The following RUBCNL variants were observed in gnomAD, a reference collection of about 807,000 sequenced individuals.
RUBCNL encodes the protein protein associated with UVRAG as autophagy enhancer.
In RUBCNL, 62 loss-of-function variants were observed where a neutral mutation model predicts 69.5. The ratio of observed to expected loss-of-function variants is 0.89; its 90% confidence interval spans 0.73 to 1.10. The LOEUF (loss-of-function observed/expected upper bound fraction) is 1.10, where lower values mean the gene tolerates loss of function less well. Among genes scored for constraint, RUBCNL ranks in the 50% least tolerant of loss-of-function variants. RUBCNL has a pLI of 0.00. For missense variants in RUBCNL, 768 were observed against 798.1 expected, an observed-to-expected ratio of 0.96 and a Z score of 0.45; for synonymous variants, 291 against 303.6, an observed-to-expected ratio of 0.96 and a Z score of 0.43.
intron 5 of RUBCNL, 66 bp from the exon 6 acceptor site, chr13:46,363,279 C>T (rs2048674089): frequency 1.4e-6 from 1 of 710,716 alleles, no homozygotes; most frequent in Admixed American, 3.2e-5. Flanking sequence ...CAACCTGCAA[C>T]ACCCAACTAA....
At chr13:46,346,868 ATC>A (rs1211133423) in intron 12 of RUBCNL, among the ~76,000 whole-genome samples, 3 of 152,158 alleles carry the variant, frequency 2.0e-5, no homozygotes, top group Non-Finnish European at 2.9e-5. Context: ...CTACTTAAAA[ATC>A]TCTCTCTCAA....
At chr13:46,375,578 A>G (rs1388554793) in intron 2 of RUBCNL, among the ~76,000 whole-genome samples, 1 of 152,182 alleles carries the variant, frequency 6.6e-6, no homozygotes, top group African/African-American at 2.4e-5. Flanking sequence ...TGTGGCAGAT[A>G]TAACTGTTCT....
At chr13:46,352,816 T>A (rs2048399282) in intron 10 of RUBCNL, among the ~76,000 whole-genome samples, 1 of 148,816 alleles carries the variant, frequency 6.7e-6, no homozygotes, top group Non-Finnish European at 1.5e-5. Flanking sequence ...CTCAAAAAAA[T>A]AAAAATAAAA....
intron 5 of RUBCNL, 39 bp from the exon 6 acceptor site, chr13:46,363,252 G>A (rs1479475449): frequency 4.2e-6 from 5 of 1,197,574 alleles, no homozygotes; most frequent in Admixed American, 2.7e-5. Context: ...CCAATAAGAA[G>A]AAAAAGAAAA....
intron 10 of RUBCNL, chr13:46,354,651 T>C (rs2048443802): frequency 7.6e-6 from 3 of 396,224 alleles, no homozygotes; most frequent in Non-Finnish European, 1.5e-5. Context: ...CACTTTCCGA[T>C]GAAACCTCTT....
intron 10 of RUBCNL, among the ~76,000 whole-genome samples, chr13:46,352,945 T>A (rs1473859789): frequency 1.3e-5 from 2 of 152,240 alleles, no homozygotes; most frequent in Admixed American, 6.5e-5. Context: ...CGAAAGTCTG[T>A]GAGAGAGGGA....
chr13:46,372,006 G>A lies in RUBCNL; in HGVS notation c.470C>T (p.Ser157Phe), dbSNP rs374851128. The change falls in exon 3 of 15, where the codon TCC becomes TTC. Residue 157 changes from serine (S) to phenylalanine (F), a missense_variant. Coordinates refer to ENST00000429979, the MANE Select transcript of RUBCNL (RefSeq NM_025113.5). The stretch of plus-strand genomic sequence containing the variant: ...AGCACTGTCAGTCTCAGGATATGGG[G>A]AGGTGGCCAAAATCCCAGGGCTTGT... ...LPTSPGILAT[S>F]PYPETDSAFF... 2.4e-5 allele frequency: 39 copies of A among 1,613,910 alleles called. No individual in the cohort carries two copies. The highest frequency in any genetic ancestry group is 2.8e-5 in the Non-Finnish European group (33 of 1,179,898).
chr13:46,349,244 A>G (rs2048315799), intron 12 of RUBCNL, 42 bp downstream of exon 12: 2 of 1,567,374 alleles, frequency 1.3e-6, no homozygotes, highest in Non-Finnish European at 1.8e-6. Flanking sequence ...GGATTAGCAG[A>G]TGTATGGAGG....
intron 1 of RUBCNL, among the ~76,000 whole-genome samples, chr13:46,385,601 G>GA (rs969848887): frequency 1.5e-4 from 21 of 143,726 alleles, no homozygotes; most frequent in African/African-American, 5.0e-4. Flanking sequence ...GATGGGTGGG[G>GA]AAAAAATGTG....
At chr13:46,352,526 C>CAA (rs2048392152) in intron 10 of RUBCNL, among the ~76,000 whole-genome samples, 1 of 150,790 alleles carries the variant, frequency 6.6e-6, no homozygotes, top group African/African-American at 2.4e-5. Context: ...AAGGCCTGGC[C>CAA]GGGTGCGGTG....
chr13:46,351,568 C>T (rs962464021), intron 10 of RUBCNL, among the ~76,000 whole-genome samples: 6 of 152,156 alleles, frequency 3.9e-5, no homozygotes, highest in Non-Finnish European at 7.4e-5. Context: ...GGGGTGGCAG[C>T]CAAAATGTCC....
At chr13:46,375,664 A>C (rs1307698715) in intron 2 of RUBCNL, among the ~76,000 whole-genome samples, 1 of 152,244 alleles carries the variant, frequency 6.6e-6, no homozygotes, top group Non-Finnish European at 1.5e-5. Context: ...GTTCTCACCC[A>C]ATAATAAAAG....
intron 10 of RUBCNL, among the ~76,000 whole-genome samples, chr13:46,355,110 G>A (rs956699109): frequency 2.0e-5 from 3 of 152,144 alleles, no homozygotes; most frequent in Non-Finnish European, 4.4e-5. Context: ...TTTATCTCTT[G>A]AAGTAGGAGC....
Position 46,340,825 on chromosome 13 carries a change from A to T in RUBCNL, c.*2560T>A, listed in dbSNP as rs1462409434. 6.6e-6 allele frequency among the ~76,000 whole-genome samples: 1 copy of T among 152,186 alleles called. No individual in the cohort carries two copies. The highest frequency in any genetic ancestry group is 1.5e-5 in the Non-Finnish European group (1 of 68,034). On this transcript the variant is annotated 3_prime_UTR_variant, in exon 15 of 15. Coordinates refer to ENST00000429979, the MANE Select transcript of RUBCNL (RefSeq NM_025113.5). Reference sequence around the variant, plus strand: ...GGGAACTAAGAGTGAGAACTCACTCATCACCACAAAGGTGCCACCAAGCTA... The same window carrying T: ...GGGAACTAAGAGTGAGAACTCACTCTTCACCACAAAGGTGCCACCAAGCTA...
chr13:46,367,894 A>C, intron 5 of RUBCNL, 148 bp downstream of exon 5: 1 of 726,504 alleles, frequency 1.4e-6, no homozygotes, highest in Non-Finnish European at 2.3e-6. Context: ...AACAAAAAAA[A>C]AGTAGTGTAT....
intron 3 of RUBCNL, among the ~76,000 whole-genome samples, chr13:46,369,805 C>A (rs1398151407): frequency 6.6e-6 from 1 of 152,208 alleles, no homozygotes; most frequent in Non-Finnish European, 1.5e-5. Context: ...ATGGTGGTGA[C>A]ACAGCTCTCA....
intron 5 of RUBCNL, among the ~76,000 whole-genome samples, chr13:46,366,043 T>C (rs1436858092): frequency 2.0e-5 from 3 of 152,072 alleles, no homozygotes; most frequent in African/African-American, 4.8e-5. Flanking sequence ...GAAGTCAGGA[T>C]TGATTTGTTT....
upstream of RUBCNL, chr13:46,387,451 G>C (rs998289828): frequency 2.0e-6 from 2 of 985,290 alleles, no homozygotes; most frequent in Non-Finnish European, 2.4e-6. Context: ...CGGCGCCCGG[G>C]CCCAGCACCA....
At chr13:46,359,767 G>T in intron 8 of RUBCNL, 136 bp from the exon 9 acceptor site, 2 of 826,696 alleles carry the variant, frequency 2.4e-6, no homozygotes, top group Non-Finnish European at 3.6e-6. Flanking sequence ...GAACTAAAGG[G>T]CATACCAAGA....
Sources: gnomAD v4.1 joint callset for allele counts (sites outside exome capture counted in the v4.1 genomes callset) on GRCh38, gnomAD v4.1.1 for gene constraint, MANE v1.5 for transcripts, NCBI Gene and HGNC (gene_info 2026-07-23, HGNC 2026-07-21) for gene names.